Variants in RPS6KA2 observed in about 807,000 individuals in gnomAD.
RPS6KA2 encodes the protein ribosomal protein S6 kinase A2, also known as ribosomal protein S6 kinase alpha-2.
In RPS6KA2, 42 loss-of-function variants were observed where a neutral mutation model predicts 91.8. The observed-to-expected ratio is 0.46, with a 90% CI of 0.36 to 0.59. RPS6KA2 has a LOEUF of 0.59. RPS6KA2 is among the 20% of genes least tolerant of loss of function. The probability of loss-of-function intolerance (pLI) is 0.00; values close to 1 mark genes in which losing one functional copy is unlikely to be tolerated. For missense variants in RPS6KA2, 798 were observed against 978.5 expected, an observed-to-expected ratio of 0.82 and a Z score of 2.46; for synonymous variants, 414 against 393.6, an observed-to-expected ratio of 1.05 and a Z score of -0.61.
intron 2 of RPS6KA2, among the ~76,000 whole-genome samples, chr6:166,826,931 C>T (rs1780061329): frequency 6.6e-6 from 1 of 152,132 alleles, no homozygotes; most frequent in Non-Finnish European, 1.5e-5. Context: ...TCTCATTTTA[C>T]TGAAGCCTCT....
At chr6:166,810,970 G>C (rs908088540) in intron 2 of RPS6KA2, among the ~76,000 whole-genome samples, 9 of 152,288 alleles carry the variant, frequency 5.9e-5, no homozygotes, top group African/African-American at 2.2e-4. Context: ...CGAGAAGCCA[G>C]GACTGGACAG....
At chr6:166,516,016 T>C (rs1782631698) in intron 3 of RPS6KA2, among the ~76,000 whole-genome samples, 1 of 152,244 alleles carries the variant, frequency 6.6e-6, no homozygotes, top group South Asian at 2.1e-4. Flanking sequence ...ATGTTCATCA[T>C]ACATATGTTG....
At chr6:166,764,475 C>G (rs1299479668) in intron 2 of RPS6KA2, among the ~76,000 whole-genome samples, 2 of 152,106 alleles carry the variant, frequency 1.3e-5, no homozygotes, top group Non-Finnish European at 2.9e-5. Context: ...CCTCACAAGG[C>G]AGCTCAATGA....
chr6:166,654,579 G>A (rs1394966936), intron 2 of RPS6KA2, among the ~76,000 whole-genome samples: 1 of 152,160 alleles, frequency 6.6e-6, no homozygotes, highest in East Asian at 1.9e-4. Context: ...GATTTATTCT[G>A]CACAATTCCA....
At chr6:166,628,210 T>C (rs891101437), upstream of RPS6KA2, among the ~76,000 whole-genome samples, 60 of 152,272 alleles carry the variant, frequency 3.9e-4, no homozygotes, top group Non-Finnish European at 8.2e-4. Flanking sequence ...GGAAACACTT[T>C]TTTCTTTTTT....
In RPS6KA2 at chr6:166,513,198, T is replaced by C. The variant is rs139209299; in HGVS notation, c.299-2841A>G. Among the ~76,000 whole-genome samples the C allele has an allele frequency of 1.5e-3, 231 of 152,334 alleles. 1 individual carries two copies. The highest frequency in any genetic ancestry group is 5.4e-3 in the African/African-American group (223 of 41,574). On this transcript the variant is annotated intron_variant, in intron 3 of 20. Transcript: ENST00000265678. The stretch of plus-strand genomic sequence containing the variant: ...CCCACAAGCTGTGGGTTGGACAAGC[T>C]TGCCTTAGAGTCTAGACAGGCATCG...
intron 2 of RPS6KA2, among the ~76,000 whole-genome samples, chr6:166,832,646 C>T (rs1306933129): frequency 6.6e-6 from 1 of 152,114 alleles, no homozygotes; most frequent in Admixed American, 6.5e-5. Flanking sequence ...CGCAGTGCCC[C>T]ACAGTTTAAA....
chr6:166,748,298 G>A (rs1791088360), intron 2 of RPS6KA2, among the ~76,000 whole-genome samples: 3 of 152,218 alleles, frequency 2.0e-5, no homozygotes, highest in East Asian at 1.9e-4. Flanking sequence ...CACTGCCAGC[G>A]CCACCACCTC....
intron 1 of RPS6KA2, among the ~76,000 whole-genome samples, chr6:166,559,865 C>T (rs568715534): frequency 2.0e-5 from 3 of 152,294 alleles, no homozygotes; most frequent in African/African-American, 7.2e-5. Context: ...TATCAAGAGG[C>T]CTCTTAAAAT....
At chr6:166,730,942 T>C (rs1248262322) in intron 2 of RPS6KA2, among the ~76,000 whole-genome samples, 2 of 152,096 alleles carry the variant, frequency 1.3e-5, no homozygotes, top group Non-Finnish European at 2.9e-5. Flanking sequence ...ATCATGATAA[T>C]TAAAAAATAG....
chr6:166,663,266 T>G (rs1224032320), intron 2 of RPS6KA2, among the ~76,000 whole-genome samples: 1 of 152,132 alleles, frequency 6.6e-6, no homozygotes, highest in African/African-American at 2.4e-5. Flanking sequence ...AAATCTTCAC[T>G]CAGGTCAGCT....
rs1778804169 is a variant in RPS6KA2 at position 166,423,507 on chromosome 6, G to C, written c.1582-90C>G. On this transcript the variant is annotated intron_variant, in intron 16 of 20. Coordinates refer to ENST00000265678, the MANE Select transcript of RPS6KA2 (RefSeq NM_021135.6). This position sits in a 1 kb window ranked among gnomAD's most constrained non-coding sequence, Gnocchi z 4.8. ...TGCATTTGGAGGGGAGGGTGCATTTGGGAACTGTCTTCCTAGCAGGTCCTG... is the reference window on the plus strand; with the variant it reads ...TGCATTTGGAGGGGAGGGTGCATTTCGGAACTGTCTTCCTAGCAGGTCCTG... 1.1e-5 allele frequency: 14 copies of C among 1,306,634 alleles called. No individual in the cohort carries two copies. The South Asian group carries it at 1.9e-4, about 18-fold the overall frequency. 80.9% of individuals were successfully genotyped at this position (1,306,634 alleles called of 1,614,324 possible).
intron 2 of RPS6KA2, among the ~76,000 whole-genome samples, chr6:166,641,923 C>G (rs1373117515): frequency 6.0e-5 from 9 of 151,204 alleles, no homozygotes; most frequent in Non-Finnish European, 1.3e-4. Flanking sequence ...TCCAGCATGC[C>G]TCTGACTATT....
chr6:166,722,442 C>G (rs1790204215), intron 2 of RPS6KA2, among the ~76,000 whole-genome samples: 1 of 152,236 alleles, frequency 6.6e-6, no homozygotes, highest in African/African-American at 2.4e-5. Context: ...TATTTTCCCT[C>G]TTTCGGTTGT....
At chr6:166,797,763 T>G (rs1036933057) in intron 2 of RPS6KA2, among the ~76,000 whole-genome samples, 2 of 152,046 alleles carry the variant, frequency 1.3e-5, no homozygotes, top group African/African-American at 4.8e-5. Flanking sequence ...TTGTTCAAGG[T>G]TCAATGGCAA....
At chr6:166,605,085 T>A (rs1785897938) in intron 1 of RPS6KA2, among the ~76,000 whole-genome samples, 1 of 152,198 alleles carries the variant, frequency 6.6e-6, no homozygotes. Context: ...GGAATATCCC[T>A]CTTGCCTCTC....
chr6:166,793,147 T>G (rs1224578243), intron 2 of RPS6KA2, among the ~76,000 whole-genome samples: 1 of 152,162 alleles, frequency 6.6e-6, no homozygotes, highest in East Asian at 1.9e-4. Context: ...GATAACCAAC[T>G]TCAGCAGTCT....
At chr6:166,544,213 C>A (rs935859117) in intron 1 of RPS6KA2, among the ~76,000 whole-genome samples, 2 of 152,234 alleles carry the variant, frequency 1.3e-5, no homozygotes, top group East Asian at 3.8e-4. Flanking sequence ...CACATGAGGG[C>A]TAGCCACATG....
chr6:166,834,685 G>A (rs988064395), intron 2 of RPS6KA2, among the ~76,000 whole-genome samples: 24 of 152,276 alleles, frequency 1.6e-4, no homozygotes, highest in Admixed American at 4.6e-4. Context: ...TTATTTTCTA[G>A]TTGTAAGAGT....
Sources: gnomAD v4.1 joint callset for allele counts (sites outside exome capture counted in the v4.1 genomes callset) on GRCh38, gnomAD v4.1.1 for gene constraint, Gnocchi (gnomAD v3.1) non-coding constraint, MANE v1.5 for transcripts, NCBI Gene and HGNC (gene_info 2026-07-23, HGNC 2026-07-21) for gene names.